NINJ2: variants seen among roughly 807,000 people sequenced by gnomAD.
The protein encoded by NINJ2 is ninjurin-2.
In NINJ2, 12 loss-of-function variants were observed where a neutral mutation model predicts 11.7. The ratio of observed to expected loss-of-function variants is 1.02; its 90% CI spans 0.66 to 1.66. NINJ2 has a LOEUF of 1.66. Ranked by LOEUF, NINJ2 falls within the 40% of genes most tolerant of loss-of-function variation. The pLI is 0.00. For missense variants in NINJ2, 187 were observed against 181.8 expected, an observed-to-expected ratio of 1.03 and a Z score of -0.16; for synonymous variants, 93 against 76.8, an observed-to-expected ratio of 1.21 and a Z score of -1.10.
intron 1 of NINJ2, among the ~76,000 whole-genome samples, chr12:587,784 T>G (rs1178397528): frequency 6.6e-6 from 1 of 152,234 alleles, no homozygotes; most frequent in Non-Finnish European, 1.5e-5. Context: ...GTGTTTGAAA[T>G]GCCCTCTGGG....
chr12:597,521 A>C (rs1947804298), intron 1 of NINJ2, among the ~76,000 whole-genome samples: 1 of 152,266 alleles, frequency 6.6e-6, no homozygotes, highest in Non-Finnish European at 1.5e-5. Context: ...GGAACAAACA[A>C]GTGAAAATAG....
intron 1 of NINJ2, among the ~76,000 whole-genome samples, chr12:636,077 AAAAT>A (rs779073007): frequency 5.9e-5 from 9 of 151,600 alleles, no homozygotes; most frequent in South Asian, 2.1e-4. Flanking sequence ...ACTCTGTATA[AAAAT>A]AAATAAATAA....
At chr12:653,607 A>G (rs1183834500) in intron 1 of NINJ2, among the ~76,000 whole-genome samples, 1 of 152,068 alleles carries the variant, frequency 6.6e-6, no homozygotes, top group African/African-American at 2.4e-5. Context: ...CAATAACTAA[A>G]AAAAGTTAAA....
intron 1 of NINJ2, among the ~76,000 whole-genome samples, chr12:587,380 T>C (rs1947653837): frequency 6.6e-6 from 1 of 152,224 alleles, no homozygotes; most frequent in Admixed American, 6.5e-5. Flanking sequence ...CGGCAGGAAG[T>C]GCCCCAAAGG....
chr12:631,330 G>A (rs1022337911), intron 1 of NINJ2, among the ~76,000 whole-genome samples: 2 of 152,118 alleles, frequency 1.3e-5, no homozygotes, highest in African/African-American at 2.4e-5. Context: ...ACTCACCTGA[G>A]AGCTGCCTCT....
intron 1 of NINJ2, among the ~76,000 whole-genome samples, chr12:576,619 A>G (rs1947465002): frequency 6.6e-6 from 1 of 152,208 alleles, no homozygotes; most frequent in African/African-American, 2.4e-5. Flanking sequence ...TCAGTCTCCC[A>G]AAGTGCCGGG....
intron 1 of NINJ2, among the ~76,000 whole-genome samples, chr12:589,870 C>T (rs1421920795): frequency 6.6e-6 from 1 of 152,048 alleles, no homozygotes; most frequent in African/African-American, 2.4e-5. Context: ...CTCAGTTTTC[C>T]TCCGTGGGGT....
chr12:631,979 T>G (rs1408966511), intron 1 of NINJ2, among the ~76,000 whole-genome samples: 1 of 152,032 alleles, frequency 6.6e-6, no homozygotes, highest in Non-Finnish European at 1.5e-5. Context: ...CAGAAAGGCA[T>G]GCAGATGAGA....
At chr12:625,494 G>A (rs151336814) in intron 1 of NINJ2, among the ~76,000 whole-genome samples, 1,612 of 152,234 alleles carry the variant, frequency 0.011, 10 homozygotes, top group Non-Finnish European at 0.012. Context: ...ATTAATTTGG[G>A]AGTTCTCTGG....
At chr12:607,964 A>T (rs1248345463) in intron 1 of NINJ2, among the ~76,000 whole-genome samples, 2 of 152,124 alleles carry the variant, frequency 1.3e-5, no homozygotes, top group Admixed American at 6.5e-5. Context: ...GGTTCCGTTG[A>T]CTTTCCAGTG....
intron 1 of NINJ2, among the ~76,000 whole-genome samples, chr12:587,891 G>A (rs545963742): frequency 1.8e-4 from 27 of 152,248 alleles, no homozygotes; most frequent in African/African-American, 5.1e-4. Context: ...ATCACTATCC[G>A]TTCTCTCACT....
chr12:655,184 G>A (rs951797868), intron 1 of NINJ2, among the ~76,000 whole-genome samples: 2 of 152,156 alleles, frequency 1.3e-5, no homozygotes, highest in African/African-American at 4.8e-5. Context: ...TGTCACCACT[G>A]CTTCATACAT....
intron 1 of NINJ2, among the ~76,000 whole-genome samples, chr12:617,511 C>T (rs1481813163): frequency 6.6e-6 from 1 of 152,214 alleles, no homozygotes; most frequent in Non-Finnish European, 1.5e-5. Flanking sequence ...CAGTTCACAT[C>T]CCCTTTCTTT....
chr12:634,093 G>C (rs371309508), intron 1 of NINJ2, among the ~76,000 whole-genome samples: 1 of 151,584 alleles, frequency 6.6e-6, no homozygotes, highest in Non-Finnish European at 1.5e-5. Flanking sequence ...AGGATATTTG[G>C]CCAACTACTT....
intron 1 of NINJ2, among the ~76,000 whole-genome samples, chr12:594,018 C>T (rs887249761): frequency 3.9e-5 from 6 of 152,152 alleles, no homozygotes; most frequent in Non-Finnish European, 7.4e-5. Context: ...AGCTTTTCCA[C>T]GAAGACAGGG....
chr12:627,697 G>A (rs969614068), intron 1 of NINJ2, among the ~76,000 whole-genome samples: 1 of 152,242 alleles, frequency 6.6e-6, no homozygotes, highest in Admixed American at 6.5e-5. Context: ...AGACTCGCCT[G>A]GGACAGACTT....
At chr12:657,189 A>G (rs879332246) in intron 1 of NINJ2, among the ~76,000 whole-genome samples, 22 of 152,230 alleles carry the variant, frequency 1.4e-4, no homozygotes, top group Non-Finnish European at 2.9e-4. Flanking sequence ...GTGAAAGGCA[A>G]TGTCAACAGA....
intron 1 of NINJ2, among the ~76,000 whole-genome samples, chr12:598,848 C>T (rs1947824049): frequency 1.3e-5 from 2 of 151,906 alleles, no homozygotes; most frequent in African/African-American, 4.8e-5. Flanking sequence ...CACAGATGTG[C>T]ACCACCACAC....
intron 1 of NINJ2, among the ~76,000 whole-genome samples, chr12:656,084 G>A (rs1003721225): frequency 1.3e-5 from 2 of 152,122 alleles, no homozygotes; most frequent in African/African-American, 4.8e-5. Context: ...CAAAAGACCC[G>A]CAGGGCGTAG....
Sources: allele counts gnomAD v4.1 joint callset (sites outside exome capture counted in the v4.1 genomes callset), GRCh38; gene constraint gnomAD v4.1.1; transcripts MANE v1.5; gene names NCBI Gene and HGNC (gene_info 2026-07-23, HGNC 2026-07-21).